Variants in TENM3 observed in about 807,000 individuals in gnomAD.
The protein encoded by TENM3 is teneurin transmembrane protein 3.
In TENM3, 63 loss-of-function variants were observed where a neutral mutation model predicts 255.1. The observed-to-expected ratio is 0.25, with a 90% confidence interval of 0.20 to 0.30. TENM3 has a LOEUF of 0.30. Ranked by LOEUF, TENM3 falls within the 10% of genes least tolerant of loss-of-function variation. TENM3 has a pLI of 1.00. For missense variants in TENM3, 2,929 were observed against 3,461.1 expected (o/e 0.85, Z 3.86); for synonymous variants, 1,306 against 1,322.3 (o/e 0.99, Z 0.27).
chr4:182,772,992 T>C (rs796682607), intron 22 of TENM3, among the ~76,000 whole-genome samples: 16 of 152,314 alleles, frequency 1.1e-4, no homozygotes, highest in African/African-American at 3.6e-4. Context: ...TTGTTGAAGA[T>C]GTCTGAAGAT....
chr4:181,772,577 A>G, the TENM3 span, among the ~76,000 whole-genome samples: 1 of 152,174 alleles, frequency 6.6e-6, no homozygotes, highest in Non-Finnish European at 1.5e-5. Flanking sequence ...AAGTAGTTCA[A>G]CTTCATCAAG....
intron 1 of TENM3, among the ~76,000 whole-genome samples, chr4:182,191,105 A>T (rs960017915): frequency 2.0e-5 from 3 of 152,102 alleles, no homozygotes; most frequent in African/African-American, 7.2e-5. Context: ...AAAAATTTTC[A>T]TTTTGTGATT....
chr4:182,541,261 T>C (rs1381294820), intron 3 of TENM3, among the ~76,000 whole-genome samples: 1 of 152,214 alleles, frequency 6.6e-6, no homozygotes, highest in Non-Finnish European at 1.5e-5. Context: ...TGCTATCTTA[T>C]GGGTTTGCAA....
chr4:182,649,399 C>G (rs1295310232), intron 5 of TENM3, among the ~76,000 whole-genome samples: 5 of 150,440 alleles, frequency 3.3e-5, no homozygotes, highest in African/African-American at 1.2e-4. Context: ...TTGCTGTCAT[C>G]TACAAATTTC....
intron 3 of TENM3, among the ~76,000 whole-genome samples, chr4:182,364,501 C>T (rs550567807): frequency 1.3e-5 from 2 of 152,302 alleles, no homozygotes; most frequent in South Asian, 2.1e-4. Flanking sequence ...ACTGCAAGCT[C>T]CGTCTTCCGG....
chr4:181,654,909 T>C, the TENM3 span, among the ~76,000 whole-genome samples: 1 of 152,118 alleles, frequency 6.6e-6, no homozygotes, highest in Admixed American at 6.5e-5. Flanking sequence ...GAAAAACTAC[T>C]GGCCTAGATC....
intron 1 of TENM3, among the ~76,000 whole-genome samples, chr4:182,231,992 C>T (rs1199422485): frequency 1.3e-5 from 2 of 152,202 alleles, no homozygotes; most frequent in Non-Finnish European, 2.9e-5. Flanking sequence ...CATTGAAAAT[C>T]ATTTGCCTAA....
At chr4:182,242,427 A>G (rs534501968), upstream of TENM3, among the ~76,000 whole-genome samples, 1 of 151,988 alleles carries the variant, frequency 6.6e-6, no homozygotes, top group South Asian at 2.1e-4. Context: ...CATGGTGTAT[A>G]TGTGCCACAT....
chr4:182,729,252 C>G, intron 14 of TENM3, 71 bp downstream of exon 14: 1 of 1,319,572 alleles, frequency 7.6e-7, no homozygotes, highest in Non-Finnish European at 1.1e-6. Flanking sequence ...ATGTGAAATA[C>G]TCATGACTGT....
the TENM3 span, among the ~76,000 whole-genome samples, chr4:181,961,420 T>A: frequency 1.1e-4 from 17 of 152,130 alleles, no homozygotes; most frequent in Non-Finnish European, 2.5e-4. Flanking sequence ...TTTTGTGGTT[T>A]TTTGTTGTTG....
chr4:181,481,517 C>T, the TENM3 span, among the ~76,000 whole-genome samples: 1 of 152,148 alleles, frequency 6.6e-6, no homozygotes, highest in Admixed American at 6.6e-5. Flanking sequence ...TGCTGTAACC[C>T]ATTCATATGC....
intron 3 of TENM3, among the ~76,000 whole-genome samples, chr4:182,434,199 T>C (rs1342153497): frequency 6.6e-6 from 1 of 151,764 alleles, no homozygotes. Flanking sequence ...ATAGAAGTGC[T>C]ACAATTACTT....
the TENM3 span, among the ~76,000 whole-genome samples, chr4:181,938,782 G>C: frequency 6.6e-6 from 1 of 152,112 alleles, no homozygotes; most frequent in Non-Finnish European, 1.5e-5. Flanking sequence ...CACTGTGGTC[G>C]CAAAAAAGCT....
At chr4:181,718,702 CA>C in the TENM3 span, among the ~76,000 whole-genome samples, 1 of 152,152 alleles carries the variant, frequency 6.6e-6, no homozygotes, top group Non-Finnish European at 1.5e-5. Context: ...TGTAATCTCA[CA>C]TTTTTTTTCT....
chr4:182,012,760 T>C, the TENM3 span: 2 of 152,226 alleles, frequency 1.3e-5, no homozygotes, highest in African/African-American at 4.8e-5. Context: ...TGGGGTGGAT[T>C]GTCACAAGGA....
the TENM3 span, among the ~76,000 whole-genome samples, chr4:181,552,407 T>G: frequency 6.6e-6 from 1 of 152,234 alleles, no homozygotes; most frequent in Admixed American, 6.5e-5. Flanking sequence ...TATCCATTTC[T>G]TTATTGTTTA....
the TENM3 span, among the ~76,000 whole-genome samples, chr4:182,014,562 A>G: frequency 6.6e-6 from 1 of 151,968 alleles, no homozygotes; most frequent in Non-Finnish European, 1.5e-5. Flanking sequence ...CAAAAAACCC[A>G]GAGGCAATGG....
the TENM3 span, among the ~76,000 whole-genome samples, chr4:181,497,940 A>T: frequency 6.6e-6 from 1 of 152,184 alleles, no homozygotes; most frequent in African/African-American, 2.4e-5. Flanking sequence ...AAATATTTTG[A>T]GTTACACATA....
At chr4:182,008,775 T>G in the TENM3 span, among the ~76,000 whole-genome samples, 10 of 152,230 alleles carry the variant, frequency 6.6e-5, no homozygotes, top group Admixed American at 2.0e-4. Context: ...GGAGAGATGT[T>G]GCGATCATTT....
Sources: allele counts gnomAD v4.1 joint callset (sites outside exome capture counted in the v4.1 genomes callset), GRCh38; gene constraint gnomAD v4.1.1; transcripts MANE v1.5; gene names NCBI Gene and HGNC (gene_info 2026-07-23, HGNC 2026-07-21).